The following TENM2 variants were observed in gnomAD, a reference collection of about 807,000 sequenced individuals.
The protein encoded by TENM2 is teneurin-2.
Under a neutral mutation model 245.2 loss-of-function variants are expected in TENM2, and 52 were observed. That is an observed-to-expected ratio of 0.21 (90% CI 0.17 to 0.27). TENM2 has a LOEUF of 0.27. Among genes scored for constraint, TENM2 ranks in the 10% least tolerant of loss-of-function variants. The probability of loss-of-function intolerance (pLI) is 1.00; values close to 1 mark genes in which losing one functional copy is unlikely to be tolerated. For missense variants in TENM2, 3,046 were observed against 3,666.8 expected (o/e 0.83, Z 4.37); for synonymous variants, 1,363 against 1,438.9 (o/e 0.95, Z 1.19).
At chr5:167,713,686 A>G (rs909713461) in intron 2 of TENM2, among the ~76,000 whole-genome samples, 2 of 152,208 alleles carry the variant, frequency 1.3e-5, no homozygotes, top group African/African-American at 2.4e-5. Flanking sequence ...ACACATATGC[A>G]CACAATTTGG....
chr5:167,734,581 T>C (rs1433507378), intron 2 of TENM2, among the ~76,000 whole-genome samples: 1 of 151,708 alleles, frequency 6.6e-6, no homozygotes, highest in East Asian at 1.9e-4. Flanking sequence ...ATCCTTCTTG[T>C]GCCAAACGAA....
intron 5 of TENM2, among the ~76,000 whole-genome samples, chr5:167,993,445 G>A (rs1250641450): frequency 6.6e-6 from 1 of 152,218 alleles, no homozygotes; most frequent in Non-Finnish European, 1.5e-5. Flanking sequence ...TTGGAGATGA[G>A]CTGAGACTTT....
At chr5:167,234,747 T>C in the TENM2 span, among the ~76,000 whole-genome samples, 1 of 152,190 alleles carries the variant, frequency 6.6e-6, no homozygotes, top group East Asian at 1.9e-4. Flanking sequence ...CTAAGCATTG[T>C]GGCTTGTCCT....
chr5:167,902,489 G>T (rs761020824), intron 3 of TENM2, among the ~76,000 whole-genome samples: 15 of 151,980 alleles, frequency 9.9e-5, no homozygotes, highest in African/African-American at 3.6e-4. Flanking sequence ...TTCTGCCTCC[G>T]CGACACAGAT....
At chr5:167,124,607 A>G in the TENM2 span, among the ~76,000 whole-genome samples, 30 of 152,210 alleles carry the variant, frequency 2.0e-4, no homozygotes, top group East Asian at 4.3e-3. Flanking sequence ...CCTTTGGTAA[A>G]ACTCTCCTGA....
In TENM2 at chr5:168,162,767, C is replaced by T. The variant is rs772943929; in HGVS notation, c.2569+10C>T. ...AAGGATAATGAGGGAGGTGAGCACG[C>T]GTCTTCTCATTCCCAGCCCCTAAGA... On this transcript the variant is annotated intron_variant, in intron 13 of 28. Coordinates refer to ENST00000518659, the Ensembl canonical transcript of TENM2. The T allele has an allele frequency of 1.2e-5, 19 of 1,613,166 alleles. No individual in the cohort carries two copies. The highest frequency in any genetic ancestry group is 1.1e-4 in the South Asian group (10 of 91,034).
chr5:167,780,704 A>G (rs1582992817), intron 2 of TENM2, among the ~76,000 whole-genome samples: 3 of 152,214 alleles, frequency 2.0e-5, no homozygotes, highest in Non-Finnish European at 4.4e-5. Context: ...AGAAGCTCAC[A>G]TACAACAAAG....
intron 3 of TENM2, among the ~76,000 whole-genome samples, chr5:167,923,605 C>A (rs1249688601): frequency 6.6e-6 from 1 of 152,212 alleles, no homozygotes; most frequent in Non-Finnish European, 1.5e-5. Flanking sequence ...CTAGTCATGT[C>A]TGGTCTGCAT....
intron 27 of TENM2, among the ~76,000 whole-genome samples, chr5:168,255,540 A>G (rs1462564063): frequency 1.3e-5 from 2 of 151,672 alleles, no homozygotes; most frequent in African/African-American, 4.8e-5. Flanking sequence ...TCCTGACCTC[A>G]GGTGATCCAC....
chr5:167,337,751 G>T (rs1214792497), intron 1 of TENM2, among the ~76,000 whole-genome samples: 3 of 152,176 alleles, frequency 2.0e-5, no homozygotes, highest in Non-Finnish European at 2.9e-5. Context: ...AAGTAGTGGG[G>T]TGATGTCAAG....
At chr5:167,626,462 C>G (rs945392231) in intron 2 of TENM2, among the ~76,000 whole-genome samples, 1 of 152,128 alleles carries the variant, frequency 6.6e-6, no homozygotes, top group Non-Finnish European at 1.5e-5. Context: ...GGTAAGTGGT[C>G]GTTTTTAAAA....
At chr5:168,168,417 C>T (rs143524293) in intron 13 of TENM2, among the ~76,000 whole-genome samples, 6 of 152,246 alleles carry the variant, frequency 3.9e-5, no homozygotes, top group Non-Finnish European at 7.4e-5. Flanking sequence ...TGGTGGCTCA[C>T]GCCCGTAATC....
At chr5:167,823,849 G>A (rs566049357) in intron 2 of TENM2, among the ~76,000 whole-genome samples, 10 of 152,276 alleles carry the variant, frequency 6.6e-5, no homozygotes, top group African/African-American at 2.4e-4. Context: ...TCTGGAAAAA[G>A]CCTGCAATGG....
chr5:167,894,921 AGAAG>A (rs368233260), intron 3 of TENM2, among the ~76,000 whole-genome samples: 12,144 of 82,734 alleles, frequency 0.15, 956 homozygotes, highest in African/African-American at 0.2. Flanking sequence ...CACCCTGGAA[AGAAG>A]GAAGGAAGGA....
chr5:168,179,646 C>T (rs759476629), intron 13 of TENM2, among the ~76,000 whole-genome samples: 1 of 152,206 alleles, frequency 6.6e-6, no homozygotes, highest in African/African-American at 2.4e-5. Context: ...AGTCACACAA[C>T]CTTACATGGC....
intron 2 of TENM2, chr5:167,728,571 T>C (rs915330907): frequency 1.3e-5 from 2 of 152,302 alleles, no homozygotes; most frequent in Non-Finnish European, 2.9e-5. Flanking sequence ...ACCACTGCAC[T>C]CCAGCCTGGG....
At chr5:166,979,387 C>G in the TENM2 span, among the ~76,000 whole-genome samples, 4 of 152,128 alleles carry the variant, frequency 2.6e-5, no homozygotes, top group African/African-American at 9.6e-5. Flanking sequence ...CTTTCCCTCT[C>G]TCTCTCTTTC....
At chr5:167,459,586 G>A (rs558836609) in intron 2 of TENM2, among the ~76,000 whole-genome samples, 16 of 152,208 alleles carry the variant, frequency 1.1e-4, no homozygotes, top group South Asian at 2.1e-4. Flanking sequence ...TTAAGGAATC[G>A]TCATACTATT....
At chr5:168,170,440 G>C (rs183268250) in intron 13 of TENM2, among the ~76,000 whole-genome samples, 4 of 152,194 alleles carry the variant, frequency 2.6e-5, no homozygotes, top group Admixed American at 2.6e-4. Context: ...GGAGGCGGAG[G>C]CTGCAGTGAG....
Sources: gnomAD v4.1 joint callset for allele counts (sites outside exome capture counted in the v4.1 genomes callset) on GRCh38, gnomAD v4.1.1 for gene constraint, MANE v1.5 for transcripts, NCBI Gene and HGNC (gene_info 2026-07-23, HGNC 2026-07-21) for gene names.